PRKCE: variants seen among roughly 807,000 people sequenced by gnomAD.
The protein encoded by PRKCE is protein kinase C epsilon type.
A neutral mutation model predicts 85.4 loss-of-function variants in PRKCE; 16 were observed. The observed-to-expected ratio is 0.19, with a 90% confidence interval of 0.13 to 0.28. The LOEUF (loss-of-function observed/expected upper bound fraction) is 0.28. Ranked by LOEUF, PRKCE falls within the 10% of genes least tolerant of loss-of-function variation. The pLI, the probability that PRKCE is intolerant of heterozygous loss-of-function variation, is 1.00. For missense variants in PRKCE, 573 were observed against 975.2 expected (o/e 0.59, Z 5.49); for synonymous variants, 388 against 371.5 (o/e 1.04, Z -0.51).
intron 2 of PRKCE, among the ~76,000 whole-genome samples, chr2:45,860,973 C>G (rs1205059565): frequency 6.6e-6 from 1 of 152,182 alleles, no homozygotes; most frequent in Non-Finnish European, 1.5e-5. Context: ...GTGAATAACG[C>G]AGATCTTTGA....
chr2:45,980,064 C>T (rs1371985673), intron 4 of PRKCE, among the ~76,000 whole-genome samples: 1 of 152,174 alleles, frequency 6.6e-6, no homozygotes, highest in African/African-American at 2.4e-5. Context: ...TGCTAATGTC[C>T]TTTGAATATA....
intron 2 of PRKCE, among the ~76,000 whole-genome samples, chr2:45,917,817 G>A (rs912843100): frequency 6.6e-6 from 1 of 152,218 alleles, no homozygotes; most frequent in African/African-American, 2.4e-5. Flanking sequence ...GCCCTGCCCC[G>A]CGGGAAGGCA....
At chr2:45,980,017 G>A (rs1413287716) in intron 4 of PRKCE, among the ~76,000 whole-genome samples, 3 of 152,162 alleles carry the variant, frequency 2.0e-5, no homozygotes, top group Admixed American at 2.0e-4. Flanking sequence ...GTATTGAAGT[G>A]AGAAAATTGA....
chr2:46,117,254 G>A (rs1445886779), intron 11 of PRKCE, among the ~76,000 whole-genome samples: 2 of 152,114 alleles, frequency 1.3e-5, no homozygotes, highest in Non-Finnish European at 1.5e-5. Context: ...GTCCTTTTGG[G>A]AGACTTCATT....
At chr2:45,787,188 C>A (rs1358832412) in intron 1 of PRKCE, among the ~76,000 whole-genome samples, 1 of 152,242 alleles carries the variant, frequency 6.6e-6, no homozygotes, top group African/African-American at 2.4e-5. Flanking sequence ...AGCTTCTCAA[C>A]AGGAGCTGGT....
intron 2 of PRKCE, among the ~76,000 whole-genome samples, chr2:45,846,237 C>A (rs1691777997): frequency 6.6e-6 from 1 of 152,146 alleles, no homozygotes; most frequent in South Asian, 2.1e-4. Flanking sequence ...CTGCTGTGCC[C>A]ATTTGTTAGT....
chr2:45,956,054 C>T lies in PRKCE; in HGVS notation c.413-20375C>T, dbSNP rs141013995. Among the ~76,000 whole-genome samples the T allele has an allele frequency of 1.1e-4, 16 of 152,292 alleles. No homozygotes were observed. The East Asian group carries it at 2.3e-3, about 22-fold the overall frequency. ...TTCCAGAATGTTGTTTAAATGGAAT[C>T]GTACAGTATATGTGTAGCCTTTTGA... On this transcript the variant is annotated intron_variant, in intron 2 of 14. Transcript: ENST00000306156.
At position 46,184,982 on chromosome 2, in the gene PRKCE, C is replaced by A; in HGVS notation, c.*101C>A. ...CAGGTCTTGAACTACTTCTCCTCCT[C>A]GGAGCCCCAGTCCCATGTCCACTGT... On this transcript the variant is annotated 3_prime_UTR_variant, in exon 15 of 15. Transcript: ENST00000306156. This position sits in a 1 kb window ranked among gnomAD's most constrained non-coding sequence, Gnocchi z 5.0. The A allele has an allele frequency of 6.8e-7, 1 of 1,460,794 alleles. No homozygotes were observed. Among genetic ancestry groups the A allele is most frequent in the South Asian group, 1.3e-5 (1 of 78,142 alleles). The allele number at this position is 1,460,794 out of a possible 1,614,324, so 90.5% of individuals were successfully genotyped here. A position where few individuals can be genotyped will look rare whatever the true frequency, so the allele number is the denominator to read the frequency against.
chr2:45,800,660 G>A (rs1687790122), intron 1 of PRKCE, among the ~76,000 whole-genome samples: 1 of 152,216 alleles, frequency 6.6e-6, no homozygotes, highest in Admixed American at 6.5e-5. Flanking sequence ...TCAAGTCCAT[G>A]CCTTAAGCCC....
chr2:45,750,090 A>G (rs1469041847), intron 1 of PRKCE, among the ~76,000 whole-genome samples: 1 of 152,204 alleles, frequency 6.6e-6, no homozygotes, highest in Admixed American at 6.5e-5. Flanking sequence ...TTTGTTCTAC[A>G]CCCAAAGGGT....
chr2:45,677,505 C>G (rs999803976), intron 1 of PRKCE, among the ~76,000 whole-genome samples: 2 of 151,908 alleles, frequency 1.3e-5, no homozygotes, highest in Admixed American at 6.6e-5. Flanking sequence ...TACAGGCGCC[C>G]GCCACCGCGC....
chr2:46,103,360 T>A (rs1671415530), intron 11 of PRKCE, among the ~76,000 whole-genome samples: 1 of 152,208 alleles, frequency 6.6e-6, no homozygotes, highest in Non-Finnish European at 1.5e-5. Flanking sequence ...TGGCTTCTTT[T>A]ATTGGAGAAT....
chr2:45,968,913 T>C (rs534074981), intron 2 of PRKCE, among the ~76,000 whole-genome samples: 1 of 151,802 alleles, frequency 6.6e-6, no homozygotes, highest in African/African-American at 2.4e-5. Flanking sequence ...GACTGAGAAG[T>C]CTCACCCCCA....
chr2:45,667,980 T>A (rs579007), intron 1 of PRKCE, among the ~76,000 whole-genome samples: 123,767 of 152,120 alleles, frequency 0.81, 50,504 homozygotes, highest in African/African-American at 0.87. Flanking sequence ...TCTGTAAAAC[T>A]AAGTCAGTAC....
intron 1 of PRKCE, among the ~76,000 whole-genome samples, chr2:45,816,470 C>T (rs1689054382): frequency 6.6e-6 from 1 of 152,212 alleles, no homozygotes; most frequent in East Asian, 1.9e-4. Flanking sequence ...CTTGGCACCT[C>T]ACCATCCCTA....
At position 46,012,092 on chromosome 2, in the gene PRKCE, G is replaced by C. The variant is rs1382837589; in HGVS notation, c.1437+1575G>C. 2.0e-5 allele frequency among the ~76,000 whole-genome samples: 3 copies of C among 152,262 alleles called. No homozygotes were observed. The East Asian group carries it at 5.8e-4, about 29-fold the overall frequency. Reference sequence around the variant, plus strand: ...TGTGTGTACAGAATCCTGAATAATAGAGACTCAGTGATGGAGTTAACTTTC... The same window carrying C: ...TGTGTGTACAGAATCCTGAATAATACAGACTCAGTGATGGAGTTAACTTTC... On this transcript the variant is annotated intron_variant, in intron 10 of 14. Coordinates refer to ENST00000306156, the MANE Select transcript of PRKCE (RefSeq NM_005400.3).
In PRKCE at chr2:46,012,530, C is replaced by T. The variant is rs1705771168; in HGVS notation, c.1437+2013C>T. Among the ~76,000 whole-genome samples the T allele has an allele frequency of 2.0e-5, 3 of 152,120 alleles. No individual in the cohort carries two copies. The South Asian group carries it at 6.2e-4, about 32-fold the overall frequency. ...TTCTGTTGGAGGAACCCTCCCACTT[C>T]CCCCTGTCCCCAGCAGGTAGCCCTC... is the stretch of plus-strand genomic sequence containing the variant. On this transcript the variant is annotated intron_variant, in intron 10 of 14. Transcript: ENST00000306156.
At chr2:46,058,694 G>A (rs962217352) in intron 10 of PRKCE, among the ~76,000 whole-genome samples, 1 of 151,966 alleles carries the variant, frequency 6.6e-6, no homozygotes, top group African/African-American at 2.4e-5. Flanking sequence ...ACATTGAATT[G>A]ATTGATTGAT....
intron 1 of PRKCE, among the ~76,000 whole-genome samples, chr2:45,837,030 C>A (rs1392689735): frequency 6.6e-6 from 1 of 152,176 alleles, no homozygotes; most frequent in Non-Finnish European, 1.5e-5. Flanking sequence ...GGAAGCTTGA[C>A]TTTGTATATT....
Sources: allele counts gnomAD v4.1 joint callset (sites outside exome capture counted in the v4.1 genomes callset), GRCh38; gene constraint gnomAD v4.1.1; non-coding constraint Gnocchi (gnomAD v3.1); transcripts MANE v1.5; gene names NCBI Gene and HGNC (gene_info 2026-07-23, HGNC 2026-07-21).